The following HIP1 variants were observed in gnomAD, a reference collection of about 807,000 sequenced individuals.
HIP1 encodes the protein huntingtin interacting protein 1.
Under a neutral mutation model 147.6 loss-of-function variants are expected in HIP1, and 65 were observed. That is an observed-to-expected ratio of 0.44 (90% CI 0.36 to 0.54). The LOEUF (loss-of-function observed/expected upper bound fraction) is 0.54. Ranked by LOEUF, HIP1 falls within the 20% of genes least tolerant of loss-of-function variation. The pLI, the probability that HIP1 is intolerant of heterozygous loss-of-function variation, is 0.00. For missense variants in HIP1, 1,061 were observed against 1,299.6 expected (o/e 0.82, Z 2.82); for synonymous variants, 479 against 504.0 (o/e 0.95, Z 0.67).
chr7:75,681,720 T>C (rs1800079746), intron 1 of HIP1, among the ~76,000 whole-genome samples: 2 of 151,854 alleles, frequency 1.3e-5, no homozygotes, highest in African/African-American at 4.8e-5. Flanking sequence ...TTGCCCTGGG[T>C]GGCCTTGAAC....
intron 1 of HIP1, among the ~76,000 whole-genome samples, chr7:75,698,693 A>G (rs1478811419): frequency 3.9e-5 from 6 of 151,958 alleles, no homozygotes; most frequent in Admixed American, 6.6e-5. Flanking sequence ...AGTGGCACAC[A>G]CTTGTAATCC....
chr7:75,592,574 C>A, intron 2 of HIP1, 60 bp from the exon 3 acceptor site: 1 of 1,539,064 alleles, frequency 6.5e-7, no homozygotes, highest in Non-Finnish European at 8.8e-7. Context: ...GGGGACTGAG[C>A]CTGCACCCAG....
Position 75,568,384 on chromosome 7 carries a change from C to T in HIP1, c.746-128G>A. The T allele has an allele frequency of 4.1e-6, 3 of 729,690 alleles. No homozygotes were observed. The highest frequency in any genetic ancestry group is 7.5e-6 in the Non-Finnish European group (3 of 398,346). 45.2% of individuals were successfully genotyped at this position (729,690 alleles called of 1,614,324 possible). A position where few individuals can be genotyped will look rare whatever the true frequency, so the allele number is the denominator to read the frequency against. ...TGGCCAGCACTGCCAGGGGCCACGA[C>T]TGGCCTAGAGCTGTCCCGAGGTCTG... On this transcript the variant is annotated intron_variant, in intron 8 of 30. Coordinates refer to ENST00000336926, the MANE Select transcript of HIP1 (RefSeq NM_005338.7). This position sits in a 1 kb window ranked among gnomAD's most constrained non-coding sequence, Gnocchi z 4.1.
intron 1 of HIP1, chr7:75,733,457 A>C (rs1329836529): frequency 7.1e-6 from 1 of 140,464 alleles, no homozygotes; most frequent in Admixed American, 7.5e-5. Flanking sequence ...GAGGGCAGGC[A>C]GTACTTTTCA....
chr7:75,720,474 T>C (rs1801467342), intron 1 of HIP1, among the ~76,000 whole-genome samples: 1 of 152,098 alleles, frequency 6.6e-6, no homozygotes, highest in Admixed American at 6.6e-5. Context: ...AGTTTCTTCT[T>C]AAAAGTTAAA....
At chr7:75,728,394 G>A (rs1173529953) in intron 1 of HIP1, among the ~76,000 whole-genome samples, 1 of 152,208 alleles carries the variant, frequency 6.6e-6, no homozygotes, top group Non-Finnish European at 1.5e-5. Flanking sequence ...CTGCCGGGAG[G>A]TGGGGCTGAC....
At position 75,670,533 on chromosome 7, in the gene HIP1, C is replaced by T. The variant is rs574234201; in HGVS notation, c.120+68268G>A. On this transcript the variant is annotated intron_variant, in intron 1 of 30. Transcript: ENST00000336926. ...TCCATAATTTGTGCAACCATCACGG[C>T]CGTTCATCTTTGTAAAACTGAAACG... Among the ~76,000 whole-genome samples, 26 of 152,136 alleles carry T rather than the reference C, an allele frequency of 1.7e-4. No individual in the cohort carries two copies. The South Asian group carries it at 4.6e-3, about 27-fold the overall frequency.
chr7:75,560,327 C>G (rs1795184235), intron 13 of HIP1, among the ~76,000 whole-genome samples: 1 of 152,190 alleles, frequency 6.6e-6, no homozygotes, highest in African/African-American at 2.4e-5. Context: ...TGGCTCACTG[C>G]AGCCTCAACC....
chr7:75,609,023 C>T (rs896295893), intron 1 of HIP1, among the ~76,000 whole-genome samples: 2 of 152,150 alleles, frequency 1.3e-5, no homozygotes, highest in Non-Finnish European at 2.9e-5. Context: ...GGAGTCACCG[C>T]CTCCCAGTAT....
rs76841769 is a variant in HIP1, at chr7:75,620,113, G to A, written c.121-20866C>T. Among the ~76,000 whole-genome samples, 227 of 152,266 alleles carry A rather than the reference G, an allele frequency of 1.5e-3. 4 individuals are homozygous for A. The highest frequency in any genetic ancestry group is 5.2e-3 in the African/African-American group (218 of 41,562). On this transcript the variant is annotated intron_variant, in intron 1 of 30. Coordinates refer to ENST00000336926, the MANE Select transcript of HIP1 (RefSeq NM_005338.7). ...TACTCTAGAAATACAGTGAGGGTGCGGTGGCTCATGCCTGTAATCCCAGCG... is the reference window on the plus strand; with the variant it reads ...TACTCTAGAAATACAGTGAGGGTGCAGTGGCTCATGCCTGTAATCCCAGCG...
At chr7:75,621,599 T>A (rs140379898) in intron 1 of HIP1, among the ~76,000 whole-genome samples, 1 of 152,114 alleles carries the variant, frequency 6.6e-6, no homozygotes, top group South Asian at 2.1e-4. Context: ...TCTGATTCAA[T>A]AGGATCCCTC....
intron 25 of HIP1, 84 bp downstream of exon 25, chr7:75,546,855 G>C: frequency 1.1e-6 from 1 of 949,390 alleles, no homozygotes; most frequent in South Asian, 1.4e-5. Context: ...CACAGAGTAA[G>C]ACGGCAGCAT....
intron 1 of HIP1, among the ~76,000 whole-genome samples, chr7:75,695,384 T>C (rs1393406230): frequency 2.0e-5 from 3 of 152,186 alleles, no homozygotes; most frequent in Non-Finnish European, 4.4e-5. Context: ...GGAAATGTTC[T>C]AGACTTTCAG....
chr7:75,614,490 T>C (rs1554505585), intron 1 of HIP1, among the ~76,000 whole-genome samples: 1 of 150,710 alleles, frequency 6.6e-6, no homozygotes, highest in African/African-American at 2.4e-5. Flanking sequence ...TGTGATTCTA[T>C]TTGTATGAAG....
At chr7:75,650,357 C>T (rs372487151) in intron 1 of HIP1, among the ~76,000 whole-genome samples, 1 of 152,240 alleles carries the variant, frequency 6.6e-6, no homozygotes, top group South Asian at 2.1e-4. Flanking sequence ...CCCTTAATGG[C>T]CCAGTTCAGG....
Position 75,664,024 on chromosome 7 carries a change from A to G in HIP1, c.121-64777T>C, listed in dbSNP as rs1204467244. On this transcript the variant is annotated intron_variant, in intron 1 of 30. Coordinates refer to ENST00000336926, the MANE Select transcript of HIP1 (RefSeq NM_005338.7). ...TATATGTGTATATATATACACATAT[A>G]TGTGTATATATATACACATATATGT... Among the ~76,000 whole-genome samples the G allele has an allele frequency of 2.2e-4, 5 of 22,890 alleles. 1 individual carries two copies. Among genetic ancestry groups the G allele is most frequent in the African/African-American group, 1.7e-3 (4 of 2,292 alleles). The allele number at this position is 22,890 out of a possible 152,430, so 15.0% of individuals were successfully genotyped here.
intron 1 of HIP1, among the ~76,000 whole-genome samples, chr7:75,697,817 C>CA (rs1563299988): frequency 6.6e-6 from 1 of 151,874 alleles, no homozygotes; most frequent in Non-Finnish European, 1.5e-5. Flanking sequence ...GTCTCAAAAA[C>CA]AAAAAACAAA....
chr7:75,590,910 T>C (rs1372031109), intron 4 of HIP1, among the ~76,000 whole-genome samples: 1 of 152,176 alleles, frequency 6.6e-6, no homozygotes, highest in Non-Finnish European at 1.5e-5. Flanking sequence ...GATAGGTAGA[T>C]AGGACTACAT....
chr7:75,616,584 GGGAGGAGGA>G (rs782489721), intron 1 of HIP1, among the ~76,000 whole-genome samples: 73 of 145,968 alleles, frequency 5.0e-4, no homozygotes, highest in Non-Finnish European at 8.5e-4. Context: ...TTTAAGGGTG[GGGAGGAGGA>G]GGAGGAGGAG....
Sources: gnomAD v4.1 joint callset for allele counts (sites outside exome capture counted in the v4.1 genomes callset) on GRCh38, gnomAD v4.1.1 for gene constraint, Gnocchi (gnomAD v3.1) non-coding constraint, MANE v1.5 for transcripts, NCBI Gene and HGNC (gene_info 2026-07-23, HGNC 2026-07-21) for gene names.